LMO4: variants seen among roughly 807,000 people sequenced by gnomAD.
The protein encoded by LMO4 is LIM domain only 4.
Under a neutral mutation model 18.5 loss-of-function variants are expected in LMO4, and 3 were observed. That is an observed-to-expected ratio of 0.16 (90% CI 0.07 to 0.42). The LOEUF is 0.42. Ranked by LOEUF, LMO4 falls within the 10% of genes least tolerant of loss-of-function variation. LMO4 has a pLI of 0.99. For synonymous variants in LMO4, 100 were observed against 88.1 expected, an observed-to-expected ratio of 1.14 and a Z score of -0.76; for missense variants, 121 against 219.9, an observed-to-expected ratio of 0.55 and a Z score of 2.84.
rs1035469539 is a variant in LMO4 at position 87,347,970 on chromosome 1, G to A, written c.*3174G>A. 6.6e-6 allele frequency: 1 copy of A among 152,158 alleles called. No homozygotes were observed. The highest frequency in any genetic ancestry group is 1.5e-5 in the Non-Finnish European group (1 of 68,022). 9.4% of individuals were successfully genotyped at this position (152,158 alleles called of 1,614,324 possible). Reference sequence around the variant, plus strand: ...ACACCAAAATGAAGTCTGTGAAATTGTCATCCTCTTAATATTACCTGTATT... The same window carrying A: ...ACACCAAAATGAAGTCTGTGAAATTATCATCCTCTTAATATTACCTGTATT... On this transcript the variant is annotated 3_prime_UTR_variant, in exon 5 of 5. Coordinates refer to ENST00000370544, the MANE Select transcript of LMO4 (RefSeq NM_006769.4).
At chr1:87,337,852 C>T (rs1308046828) in intron 2 of LMO4, among the ~76,000 whole-genome samples, 1 of 152,152 alleles carries the variant, frequency 6.6e-6, no homozygotes, top group African/African-American at 2.4e-5. Flanking sequence ...GACAGCAGCC[C>T]AGAGGCCCCC....
intron 2 of LMO4, among the ~76,000 whole-genome samples, chr1:87,336,743 C>T (rs944060779): frequency 1.3e-5 from 2 of 152,152 alleles, no homozygotes; most frequent in African/African-American, 4.8e-5. Context: ...AGAAAGGAAA[C>T]TGAAACCGAT....
At chr1:87,330,854 G>A (rs1222522108) in intron 1 of LMO4, among the ~76,000 whole-genome samples, 1 of 152,160 alleles carries the variant, frequency 6.6e-6, no homozygotes, top group Admixed American at 6.5e-5. Flanking sequence ...GGACTTTATT[G>A]GACTCGGGAT....
chr1:87,330,822 A>G lies in LMO4; in HGVS notation c.-3-1191A>G, dbSNP rs571895873. On this transcript the variant is annotated intron_variant, in intron 1 of 4. Coordinates refer to ENST00000370544, the MANE Select transcript of LMO4 (RefSeq NM_006769.4). Reference sequence around the variant, plus strand: ...GTAAATAACTTGATCTTTTTACAGAATAAGTGACTAGAGGAACACTAGGAC... The same window carrying G: ...GTAAATAACTTGATCTTTTTACAGAGTAAGTGACTAGAGGAACACTAGGAC... 3.3e-5 allele frequency among the ~76,000 whole-genome samples: 5 copies of G among 152,366 alleles called. No homozygotes were observed. The South Asian group carries it at 1.0e-3, about 32-fold the overall frequency.
intron 3 of LMO4, among the ~76,000 whole-genome samples, chr1:87,339,838 T>G (rs1489881692): frequency 2.0e-5 from 3 of 152,114 alleles, no homozygotes. Context: ...GAAGTACACA[T>G]GTATTTGGAT....
chr1:87,330,731 G>A (rs1351076711), intron 1 of LMO4, among the ~76,000 whole-genome samples: 5 of 152,258 alleles, frequency 3.3e-5, no homozygotes, highest in Middle Eastern at 6.8e-3. Flanking sequence ...ATAGCCGGGA[G>A]CCTCAGGGGG....
At chr1:87,343,504 A>G (rs1557616936) in intron 4 of LMO4, among the ~76,000 whole-genome samples, 1 of 152,146 alleles carries the variant, frequency 6.6e-6, no homozygotes, top group Admixed American at 6.5e-5. Context: ...TCCACTCAAA[A>G]GTGTGATGGT....
intron 2 of LMO4, among the ~76,000 whole-genome samples, chr1:87,332,508 G>C (rs1037324988): frequency 2.6e-5 from 4 of 152,228 alleles, no homozygotes; most frequent in African/African-American, 7.2e-5. Flanking sequence ...CAAAGGTTGA[G>C]CACCCTCTGG....
intron 2 of LMO4, among the ~76,000 whole-genome samples, chr1:87,332,709 T>C (rs993219273): frequency 2.6e-5 from 4 of 152,162 alleles, no homozygotes; most frequent in African/African-American, 9.6e-5. Context: ...TTATTAACGA[T>C]ATTTACATAA....
intron 1 of LMO4, among the ~76,000 whole-genome samples, chr1:87,330,652 C>T (rs1208152869): frequency 6.6e-6 from 1 of 152,060 alleles, no homozygotes; most frequent in Non-Finnish European, 1.5e-5. Flanking sequence ...TTTTTTGCAG[C>T]AGCCAAGTTG....
At chr1:87,340,440 CA>C (rs1650445354) in intron 4 of LMO4, among the ~76,000 whole-genome samples, 1 of 152,056 alleles carries the variant, frequency 6.6e-6, no homozygotes, top group South Asian at 2.1e-4. Flanking sequence ...TCACGTTGAA[CA>C]TAAGATTATC....
At chr1:87,334,083 C>T (rs1045467721) in intron 2 of LMO4, among the ~76,000 whole-genome samples, 5 of 152,142 alleles carry the variant, frequency 3.3e-5, no homozygotes, top group African/African-American at 1.2e-4. Context: ...TTTCTCTATT[C>T]TTGGGGCCAA....
At chr1:87,333,652 A>G (rs1338567299) in intron 2 of LMO4, among the ~76,000 whole-genome samples, 1 of 152,208 alleles carries the variant, frequency 6.6e-6, no homozygotes, top group Non-Finnish European at 1.5e-5. Context: ...ATCCTCAATC[A>G]GTCCAAGTAA....
In LMO4 at chr1:87,344,771, G is replaced by T; in HGVS notation, c.490-17G>T. The T allele has an allele frequency of 6.2e-7, 1 of 1,613,530 alleles. No individual in the cohort carries two copies. The highest frequency in any genetic ancestry group is 8.5e-7 in the Non-Finnish European group (1 of 1,179,660). On this transcript the variant is annotated splice_polypyrimidine_tract_variant and intron_variant, in intron 4 of 4. Coordinates refer to ENST00000370544, the MANE Select transcript of LMO4 (RefSeq NM_006769.4). ...ATTTAGCATTTTAGCTAAGATGCCC[G>T]TTTTTATTTCTTGCAGGTCTGCTAA...
chr1:87,330,187 A>G (rs1650093976), intron 1 of LMO4, among the ~76,000 whole-genome samples: 1 of 147,946 alleles, frequency 6.8e-6, no homozygotes, highest in Admixed American at 6.6e-5. Flanking sequence ...TCTCAGTGTA[A>G]TGTTTCCTTT....
At chr1:87,338,375 T>C (rs1488536296) in intron 2 of LMO4, among the ~76,000 whole-genome samples, 1 of 152,262 alleles carries the variant, frequency 6.6e-6, no homozygotes, top group Non-Finnish European at 1.5e-5. Context: ...ATATGTTAAT[T>C]TGTAAGTCCT....
At chr1:87,333,953 A>AAC (rs1650224710) in intron 2 of LMO4, among the ~76,000 whole-genome samples, 1 of 151,986 alleles carries the variant, frequency 6.6e-6, no homozygotes, top group South Asian at 2.1e-4. Context: ...AAAAAAAAAA[A>AAC]AACAAAAAAC....
chr1:87,338,405 T>C (rs1650373902), intron 2 of LMO4, among the ~76,000 whole-genome samples: 1 of 152,248 alleles, frequency 6.6e-6, no homozygotes, highest in South Asian at 2.1e-4. Flanking sequence ...TTTTTCGTTT[T>C]TGAAAACTAC....
In LMO4 at chr1:87,346,646, T is replaced by G. The variant is rs1384900665; in HGVS notation, c.*1850T>G. 1.3e-5 allele frequency: 2 copies of G among 151,948 alleles called. No homozygotes were observed. The highest frequency in any genetic ancestry group is 4.8e-5 in the African/African-American group (2 of 41,332). 9.4% of individuals were successfully genotyped at this position (151,948 alleles called of 1,614,324 possible). A position where few individuals can be genotyped will look rare whatever the true frequency, so the allele number is the denominator to read the frequency against. On this transcript the variant is annotated 3_prime_UTR_variant, in exon 5 of 5. Transcript: ENST00000370544. ...GTGCTCACTTCCTGTTTTCAGAGAT[T>G]CCAGGGCAGGGGAAAAAAAAAATCA...
Sources: gnomAD v4.1 joint callset for allele counts (sites outside exome capture counted in the v4.1 genomes callset) on GRCh38, gnomAD v4.1.1 for gene constraint, MANE v1.5 for transcripts, NCBI Gene and HGNC (gene_info 2026-07-23, HGNC 2026-07-21) for gene names.